The following EVI5 variants were observed in gnomAD, a reference collection of about 807,000 sequenced individuals.
The protein encoded by EVI5 is ecotropic viral integration site 5 protein homolog.
Under a neutral mutation model 112.0 loss-of-function variants are expected in EVI5, and 73 were observed. The observed-to-expected ratio is 0.65, with a 90% CI of 0.54 to 0.79. EVI5 has a LOEUF of 0.79. Ranked by LOEUF, EVI5 falls within the 30% of genes least tolerant of loss-of-function variation. The pLI, the probability that EVI5 is intolerant of heterozygous loss-of-function variation, is 0.00. For synonymous variants in EVI5, 305 were observed against 319.9 expected, an observed-to-expected ratio of 0.95 and a Z score of 0.50; for missense variants, 900 against 968.8, an observed-to-expected ratio of 0.93 and a Z score of 0.94.
At chr1:92,683,989 T>C (rs1247403972) in intron 9 of EVI5, among the ~76,000 whole-genome samples, 1 of 152,110 alleles carries the variant, frequency 6.6e-6, no homozygotes, top group Admixed American at 6.6e-5. Context: ...CACGATATTA[T>C]CCAAAAGAAC....
chr1:92,675,683 G>A (rs980736230), intron 10 of EVI5, among the ~76,000 whole-genome samples: 6 of 152,074 alleles, frequency 3.9e-5, no homozygotes, highest in East Asian at 1.9e-4. Flanking sequence ...AGGGCTGGAC[G>A]CGGTGGCTCA....
intron 14 of EVI5, among the ~76,000 whole-genome samples, chr1:92,626,860 G>A (rs988983208): frequency 2.0e-5 from 3 of 152,012 alleles, no homozygotes; most frequent in Admixed American, 2.0e-4. Flanking sequence ...TGTTTTTGTT[G>A]TATTTCCTCA....
intron 16 of EVI5, among the ~76,000 whole-genome samples, chr1:92,608,741 A>T (rs1369630123): frequency 6.6e-6 from 1 of 151,236 alleles, no homozygotes; most frequent in Admixed American, 6.6e-5. Context: ...AGGTACCATC[A>T]CTATTTATTG....
At chr1:92,531,812 C>A (rs560242775) in intron 19 of EVI5, among the ~76,000 whole-genome samples, 3 of 152,144 alleles carry the variant, frequency 2.0e-5, no homozygotes, top group Non-Finnish European at 4.4e-5. Flanking sequence ...AAGGATCAGC[C>A]AGTACCAGCC....
intron 18 of EVI5, among the ~76,000 whole-genome samples, chr1:92,564,598 AT>A (rs1449030283): frequency 6.6e-6 from 1 of 151,764 alleles, no homozygotes; most frequent in Non-Finnish European, 1.5e-5. Context: ...CACTGGGACT[AT>A]TTTCTAGGGA....
At chr1:92,611,357 G>A (rs1651750697) in intron 16 of EVI5, among the ~76,000 whole-genome samples, 1 of 151,958 alleles carries the variant, frequency 6.6e-6, no homozygotes, top group South Asian at 2.1e-4. Context: ...TCACCCTATA[G>A]TAGTATACTG....
intron 1 of EVI5, among the ~76,000 whole-genome samples, chr1:92,745,754 C>T (rs1002547015): frequency 1.3e-5 from 2 of 152,072 alleles, no homozygotes; most frequent in African/African-American, 4.8e-5. Flanking sequence ...TGCAGTGAGC[C>T]ATGATTATGC....
intron 1 of EVI5, among the ~76,000 whole-genome samples, chr1:92,739,755 A>G (rs1232997802): frequency 2.6e-5 from 4 of 152,076 alleles, no homozygotes; most frequent in African/African-American, 7.2e-5. Context: ...AAAGATTCTG[A>G]TTTTAGATCA....
chr1:92,515,066 T>A (rs1368078956), intron 19 of EVI5, among the ~76,000 whole-genome samples: 1 of 152,168 alleles, frequency 6.6e-6, no homozygotes, highest in African/African-American at 2.4e-5. Context: ...GTGAGGCTTC[T>A]CTTAGTGGGG....
At chr1:92,635,385 C>T (rs1255269337) in intron 14 of EVI5, among the ~76,000 whole-genome samples, 1 of 152,206 alleles carries the variant, frequency 6.6e-6, no homozygotes, top group Non-Finnish European at 1.5e-5. Flanking sequence ...ATGGCAGGCG[C>T]CCCCGCTGCA....
intron 9 of EVI5, among the ~76,000 whole-genome samples, chr1:92,690,198 T>C (rs1669257540): frequency 6.6e-6 from 1 of 152,028 alleles, no homozygotes; most frequent in Non-Finnish European, 1.5e-5. Context: ...AGTGTTTATA[T>C]GTGTTTCCAG....
In EVI5 at chr1:92,513,631, T is replaced by C. The variant is rs1659383365; in HGVS notation, c.*25A>G. On this transcript the variant is annotated 3_prime_UTR_variant, in exon 20 of 20. Transcript: ENST00000684568. The stretch of plus-strand genomic sequence containing the variant: ...TATGATAACTGATCCCTTAAATAAA[T>C]CCATAGTCTAGGTCACAGTGATGGT... 6.7e-7 allele frequency: 1 copy of C among 1,485,232 alleles called. No homozygotes were observed. The highest frequency in any genetic ancestry group is 2.2e-5 in the Admixed American group (1 of 45,856). 92.0% of individuals were successfully genotyped at this position (1,485,232 alleles called of 1,614,324 possible).
chr1:92,517,422 G>T (rs1250462858), intron 19 of EVI5, among the ~76,000 whole-genome samples: 1 of 152,200 alleles, frequency 6.6e-6, no homozygotes, highest in African/African-American at 2.4e-5. Context: ...GATACCAAGG[G>T]ATGACAGTGC....
rs141808140 is a variant in EVI5, at chr1:92,624,562, C to T, written c.1669-228G>A. On this transcript the variant is annotated intron_variant, in intron 15 of 19. Transcript: ENST00000684568. ...TATATTTAAGATAGAATTTATTGGCCAGGCGCAGTGGCTCTCACACCTGTA... is the reference window on the plus strand; with the variant it reads ...TATATTTAAGATAGAATTTATTGGCTAGGCGCAGTGGCTCTCACACCTGTA... Among the ~76,000 whole-genome samples, 7 of 151,556 alleles carry T rather than the reference C, an allele frequency of 4.6e-5. No homozygotes were observed. The East Asian group carries it at 1.4e-3, about 29-fold the overall frequency.
chr1:92,620,451 GA>G (rs1329971387), intron 16 of EVI5, among the ~76,000 whole-genome samples: 4 of 137,814 alleles, frequency 2.9e-5, no homozygotes, highest in Admixed American at 1.4e-4. Flanking sequence ...AAAAAAGAGA[GA>G]AAAAAAAACC....
chr1:92,709,881 T>C (rs1224427716), intron 2 of EVI5, among the ~76,000 whole-genome samples: 2 of 151,968 alleles, frequency 1.3e-5, no homozygotes, highest in Admixed American at 1.3e-4. Context: ...TCAGTATAAT[T>C]AAGGTAGTCT....
At chr1:92,619,239 T>C (rs1211134169) in intron 16 of EVI5, among the ~76,000 whole-genome samples, 1 of 152,004 alleles carries the variant, frequency 6.6e-6, no homozygotes, top group African/African-American at 2.4e-5. Context: ...CAGCTGCCAG[T>C]GAATATAAAG....
At position 92,677,172 on chromosome 1, in the gene EVI5, G is replaced by A; in HGVS notation, c.1144C>T (p.Gln382Ter). 6.3e-7 allele frequency: 1 copy of A among 1,588,672 alleles called. No homozygotes were observed. The highest frequency in any genetic ancestry group is 1.1e-5 in the South Asian group (1 of 87,898). Residue 382 changes from glutamine to a stop codon, truncating the protein, a stop_gained, in exon 10 of 20, where the codon CAA becomes TAA. Transcript: ENST00000684568. LOFTEE classifies it high-confidence loss of function. Reference sequence around the variant, plus strand: ...CAACTGCTTACTTTAATTTCAACTTGCTCTTCCATTTCTTTCGTTTTTATT... The same window carrying A: ...CAACTGCTTACTTTAATTTCAACTTACTCTTCCATTTCTTTCGTTTTTATT... ...TTIKTKEMEE[Q>*]VEIKRLRTEN...
chr1:92,562,134 C>G (rs1402730415), intron 19 of EVI5, among the ~76,000 whole-genome samples: 1 of 152,138 alleles, frequency 6.6e-6, no homozygotes, highest in East Asian at 1.9e-4. Context: ...TCTGAGAACA[C>G]CTTTTGAACA....
Sources: allele counts gnomAD v4.1 joint callset (sites outside exome capture counted in the v4.1 genomes callset), GRCh38; gene constraint gnomAD v4.1.1; transcripts MANE v1.5; gene names NCBI Gene and HGNC (gene_info 2026-07-23, HGNC 2026-07-21).